GMFB: variants seen among roughly 807,000 people sequenced by gnomAD.
The protein encoded by GMFB is glia maturation factor beta, also known as GMF-beta.
A neutral mutation model predicts 25.6 loss-of-function variants in GMFB; 13 were observed. That is an observed-to-expected ratio of 0.51 (90% confidence interval 0.33 to 0.81). The LOEUF (loss-of-function observed/expected upper bound fraction) is 0.81. Among genes scored for constraint, GMFB ranks in the 30% least tolerant of loss-of-function variants. GMFB has a pLI of 0.02. For missense variants in GMFB, 146 were observed against 175.4 expected (o/e 0.83, Z 0.95); for synonymous variants, 57 against 56.9 (o/e 1.00, Z 0.00).
chr14:54,486,510 G>A (rs1404970407), intron 1 of GMFB, among the ~76,000 whole-genome samples: 1 of 152,242 alleles, frequency 6.6e-6, no homozygotes, highest in Non-Finnish European at 1.5e-5. Context: ...AAAACAACGA[G>A]TGAAGAGACA....
chr14:54,479,199 G>A (rs988243991), intron 6 of GMFB: 3 of 152,014 alleles, frequency 2.0e-5, no homozygotes, highest in African/African-American at 7.2e-5. Flanking sequence ...AACCTTAAGT[G>A]CATATACTTT....
At chr14:54,487,114 G>A (rs2031793287) in intron 1 of GMFB, among the ~76,000 whole-genome samples, 1 of 152,184 alleles carries the variant, frequency 6.6e-6, no homozygotes, top group Non-Finnish European at 1.5e-5. Flanking sequence ...ATAGATCTGG[G>A]GTCAGGCGCG....
chr14:54,487,645 G>A (rs1358854107), intron 1 of GMFB, among the ~76,000 whole-genome samples: 1 of 152,296 alleles, frequency 6.6e-6, no homozygotes, highest in Admixed American at 6.5e-5. Context: ...CCTGGGAGGC[G>A]GAGGTTGCAA....
At chr14:54,485,477 C>T (rs948096146) in intron 1 of GMFB, among the ~76,000 whole-genome samples, 1 of 152,042 alleles carries the variant, frequency 6.6e-6, no homozygotes, top group African/African-American at 2.4e-5. Context: ...TGACAGATCT[C>T]TACAATGAAA....
chr14:54,479,638 C>T (rs1334737835), intron 6 of GMFB, 148 bp downstream of exon 6: 2 of 522,862 alleles, frequency 3.8e-6, no homozygotes, highest in Admixed American at 3.6e-5. Context: ...ATTCTATTTC[C>T]AGTTAACAAA....
rs148591944 is a variant in GMFB at position 54,474,721 on chromosome 14, T to A, written c.*3367A>T. 3.3e-3 allele frequency: 500 copies of A among 152,758 alleles called. 3 individuals are homozygous for A. The highest frequency in any genetic ancestry group is 0.011 in the African/African-American group (464 of 41,582). The allele number at this position is 152,758 out of a possible 1,614,324, so 9.5% of individuals were successfully genotyped here. A position where few individuals can be genotyped will look rare whatever the true frequency, so the allele number is the denominator to read the frequency against. On this transcript the variant is annotated 3_prime_UTR_variant, in exon 7 of 7. Transcript: ENST00000358056. ...TTGGACCATCTAAATCAGTGGGAAC[T>A]GCCCTGGCATGTTAATGATCTCAAA...
rs993684133 is a variant in GMFB at position 54,483,784 on chromosome 14, AC to A, written c.4-18del. On this transcript the variant is annotated intron_variant, in intron 1 of 6. Coordinates refer to ENST00000358056, the MANE Select transcript of GMFB (RefSeq NM_004124.3). ...AGACTCACTCTATAAAAGAAAAAAA[AC>A]ACACATAAAATGCCATGACTTCAAT... 7 of 1,424,244 alleles carry A rather than the reference AC, an allele frequency of 4.9e-6. No homozygotes were observed. The African/African-American group carries it at 5.6e-5, about 11-fold the overall frequency. The allele number at this position is 1,424,244 out of a possible 1,614,324, so 88.2% of individuals were successfully genotyped here. A position where few individuals can be genotyped will look rare whatever the true frequency, so the allele number is the denominator to read the frequency against.
chr14:54,488,914 C>T lies in GMFB; in HGVS notation c.3+11G>A, dbSNP rs773296215. On this transcript the variant is annotated intron_variant, in intron 1 of 6. Coordinates refer to ENST00000358056, the MANE Select transcript of GMFB (RefSeq NM_004124.3). ...AGCCCTCCGGCCCCCGCCCTCCCAG[C>T]GGCAACTCACCATTTTCCTTCCGGC... 6 of 1,561,974 alleles carry T rather than the reference C, an allele frequency of 3.8e-6. No individual in the cohort carries two copies. The highest frequency in any genetic ancestry group is 5.2e-6 in the Non-Finnish European group (6 of 1,157,440).
In GMFB at chr14:54,488,969, G is replaced by C. The variant is rs780232790; in HGVS notation, c.-42C>G. On this transcript the variant is annotated 5_prime_UTR_variant, in exon 1 of 7. Transcript: ENST00000358056. ...AGCGGCCTGTCGCCTACACTCGGGC[G>C]CCTTTAAGAATGGCACGGCGGCCGC... 4 of 1,538,414 alleles carry C rather than the reference G, an allele frequency of 2.6e-6. No homozygotes were observed. The highest frequency in any genetic ancestry group is 1.7e-4 in the Middle Eastern group (1 of 5,916).
At chr14:54,482,091 A>T in intron 3 of GMFB, 62 bp downstream of exon 3, 1 of 1,036,416 alleles carries the variant, frequency 9.6e-7, no homozygotes, top group Non-Finnish European at 1.5e-6. Flanking sequence ...TAACTAATAT[A>T]GCATCTTTTG....
At chr14:54,483,092 C>G (rs2031734618) in intron 2 of GMFB, 1 of 152,374 alleles carries the variant, frequency 6.6e-6, no homozygotes, top group Admixed American at 6.5e-5. Flanking sequence ...AAATCACTAC[C>G]TACATATTAA....
At chr14:54,487,958 C>A (rs373548458) in intron 1 of GMFB, among the ~76,000 whole-genome samples, 1 of 151,976 alleles carries the variant, frequency 6.6e-6, no homozygotes, top group Admixed American at 6.5e-5. Context: ...GCTCTGTATC[C>A]CAGAAGCCAA....
At chr14:54,488,573 T>A (rs1273576493) in intron 1 of GMFB, 3 of 272,602 alleles carry the variant, frequency 1.1e-5, no homozygotes, top group Non-Finnish European at 6.9e-6. Context: ...GAGGGAGCCC[T>A]CCGATGGGGC....
chr14:54,482,112 A>ATTAC (rs2031719572), intron 3 of GMFB, 41 bp downstream of exon 3: 1 of 1,257,428 alleles, frequency 8.0e-7, no homozygotes, highest in Non-Finnish European at 1.2e-6. Context: ...AGAAATAATA[A>ATTAC]TTACTTAACT....
chr14:54,478,056 A>ACAG lies in GMFB; in HGVS notation c.*31_*32insCTG. ...CTGATTCCAGTATGGTCAGGTTAAT[A>ACAG]CATAAATACTTTAGAAACACAGAAG... On this transcript the variant is annotated 3_prime_UTR_variant, in exon 7 of 7. Transcript: ENST00000358056. 1 of 963,524 alleles carries ACAG rather than the reference A, an allele frequency of 1.0e-6. No homozygotes were observed. The highest frequency in any genetic ancestry group is 2.6e-5 in the Admixed American group (1 of 38,140). The allele number at this position is 963,524 out of a possible 1,614,324, so 59.7% of individuals were successfully genotyped here.
At chr14:54,483,955 C>T (rs2031748944) in intron 1 of GMFB, 188 bp from the exon 2 acceptor site, 1 of 683,368 alleles carries the variant, frequency 1.5e-6, no homozygotes, top group Non-Finnish European at 2.7e-6. Flanking sequence ...ATTGCTTAAT[C>T]CTACAAATTT....
rs146202278 is a variant in GMFB, at chr14:54,483,298, G to A, written c.100+373C>T. Reference sequence around the variant, plus strand: ...CACTATGTACACAATGCTGAACTTTGTCATTTTAGGTGTAGGCAAAGGTTT... The same window carrying A: ...CACTATGTACACAATGCTGAACTTTATCATTTTAGGTGTAGGCAAAGGTTT... On this transcript the variant is annotated intron_variant, in intron 2 of 6. Transcript: ENST00000358056. 1.9e-3 allele frequency: 344 copies of A among 178,208 alleles called. 2 individuals are homozygous for A. Among genetic ancestry groups the A allele is most frequent in the Non-Finnish European group, 3.3e-3 (279 of 83,724 alleles). The allele number at this position is 178,208 out of a possible 1,614,324, so 11.0% of individuals were successfully genotyped here.
intron 3 of GMFB, among the ~76,000 whole-genome samples, chr14:54,481,755 T>C (rs1454469430): frequency 1.3e-5 from 2 of 152,132 alleles, no homozygotes; most frequent in Non-Finnish European, 2.9e-5. Context: ...GCCAGTATCT[T>C]AGCGGAAAGA....
chr14:54,477,525 T>A lies in GMFB; in HGVS notation c.*563A>T, dbSNP rs902080106. On this transcript the variant is annotated 3_prime_UTR_variant, in exon 7 of 7. Coordinates refer to ENST00000358056, the MANE Select transcript of GMFB (RefSeq NM_004124.3). ...CCCGACCTTAAAAATGAGTGACTGA[T>A]GAACATAGTTTCTAGACTTGATTAA... 1 of 152,160 alleles carries A rather than the reference T, an allele frequency of 6.6e-6. No homozygotes were observed. The highest frequency in any genetic ancestry group is 1.9e-4 in the East Asian group (1 of 5,186). The allele number at this position is 152,160 out of a possible 1,614,324, so 9.4% of individuals were successfully genotyped here. A position where few individuals can be genotyped will look rare whatever the true frequency, so the allele number is the denominator to read the frequency against.
Sources: allele counts gnomAD v4.1 joint callset (sites outside exome capture counted in the v4.1 genomes callset), GRCh38; gene constraint gnomAD v4.1.1; transcripts MANE v1.5; gene names NCBI Gene and HGNC (gene_info 2026-07-23, HGNC 2026-07-21).